NAALADL2: variants seen among roughly 807,000 people sequenced by gnomAD.
The protein encoded by NAALADL2 is N-acetylated alpha-linked acidic dipeptidase like 2.
NAALADL2 carries 76 observed loss-of-function variants against 87.2 expected under a neutral mutation model. The ratio of observed to expected loss-of-function variants is 0.87; its 90% CI spans 0.72 to 1.05. NAALADL2 has a LOEUF of 1.05. Among genes scored for constraint, NAALADL2 ranks in the 50% least tolerant of loss-of-function variants. NAALADL2 has a pLI of 0.00. For missense variants in NAALADL2, 1,089 were observed against 945.8 expected (o/e 1.15, Z -1.99); for synonymous variants, 354 against 331.0 (o/e 1.07, Z -0.75).
At chr3:175,744,744 T>C (rs1317955984) in intron 12 of NAALADL2, among the ~76,000 whole-genome samples, 1 of 152,194 alleles carries the variant, frequency 6.6e-6, no homozygotes, top group Admixed American at 6.5e-5. Context: ...GGCTAATGTG[T>C]GAATAATGGA....
chr3:175,627,433 CT>C, intron 11 of NAALADL2, 47 bp downstream of exon 11: 2 of 1,245,202 alleles, frequency 1.6e-6, no homozygotes, highest in Non-Finnish European at 1.1e-6. Context: ...ATTTGTTCTT[CT>C]TTATTGGTAG....
At chr3:174,980,956 T>C (rs1173909683) in intron 1 of NAALADL2, among the ~76,000 whole-genome samples, 1 of 152,162 alleles carries the variant, frequency 6.6e-6, no homozygotes, top group African/African-American at 2.4e-5. Flanking sequence ...TGAAAATATA[T>C]TCAAAACTGA....
chr3:175,193,219 T>TTG (rs1190570682), intron 2 of NAALADL2, among the ~76,000 whole-genome samples: 1 of 151,904 alleles, frequency 6.6e-6, no homozygotes, highest in African/African-American at 2.4e-5. Flanking sequence ...AGTTGTGTGT[T>TTG]TTTTTTTCAA....
intron 2 of NAALADL2, among the ~76,000 whole-genome samples, chr3:174,595,465 TAA>T (rs987713661): frequency 3.3e-5 from 5 of 152,206 alleles, no homozygotes; most frequent in Admixed American, 1.3e-4. Context: ...TTTGGCCAGA[TAA>T]GTTACACGGA....
chr3:174,952,001 T>C (rs1164073098), intron 1 of NAALADL2, among the ~76,000 whole-genome samples: 3 of 152,130 alleles, frequency 2.0e-5, no homozygotes, highest in Non-Finnish European at 4.4e-5. Flanking sequence ...TTTTCTCTTA[T>C]CTCTGTTGCC....
intron 2 of NAALADL2, among the ~76,000 whole-genome samples, chr3:174,662,493 AT>A (rs905382705): frequency 1.3e-5 from 2 of 151,024 alleles, no homozygotes; most frequent in Non-Finnish European, 2.9e-5. Flanking sequence ...AGCATCAACT[AT>A]TTTTTGTTTG....
intron 3 of NAALADL2, among the ~76,000 whole-genome samples, chr3:174,820,918 C>T (rs1478451441): frequency 6.6e-6 from 1 of 152,130 alleles, no homozygotes; most frequent in East Asian, 1.9e-4. Context: ...CAGAAAGCCT[C>T]GTTCACAGAA....
chr3:175,199,836 A>G (rs1483567344), intron 2 of NAALADL2, among the ~76,000 whole-genome samples: 1 of 9,944 alleles, frequency 1.0e-4, no homozygotes, highest in East Asian at 2.8e-3. Context: ...ATATATATAT[A>G]TATATATATA....
Position 175,532,109 on chromosome 3 carries a change from G to C in NAALADL2, c.1654-43932G>C, listed in dbSNP as rs528651249. 6.6e-5 allele frequency among the ~76,000 whole-genome samples: 10 copies of C among 152,240 alleles called. No homozygotes were observed. The South Asian group carries it at 1.7e-3, about 25-fold the overall frequency. On this transcript the variant is annotated intron_variant, in intron 9 of 13. Coordinates refer to ENST00000454872, the MANE Select transcript of NAALADL2 (RefSeq NM_207015.3). ...GTGTCTATGCCAATTATGCATTCTGGAACTGGGGAAATGACCACAGGACCC... is the reference window on the plus strand; with the variant it reads ...GTGTCTATGCCAATTATGCATTCTGCAACTGGGGAAATGACCACAGGACCC...
At position 174,617,093 on chromosome 3, in the gene NAALADL2, C is replaced by A. The variant is rs140913615; in HGVS notation, c.-115+66456C>A. Among the ~76,000 whole-genome samples, 379 of 151,822 alleles carry A rather than the reference C, an allele frequency of 2.5e-3. 2 individuals are homozygous for A. The highest frequency in any genetic ancestry group is 8.7e-3 in the African/African-American group (362 of 41,522). On this transcript the variant is annotated intron_variant, in intron 2 of 3. Coordinates refer to the NAALADL2 transcript ENST00000434257. ...TTAAATACCCTGCTGCGACACAGGA[C>A]TACAAAGATCAATGAAACATACCTA...
chr3:174,811,275 C>T (rs936405979), intron 3 of NAALADL2, among the ~76,000 whole-genome samples: 3 of 152,112 alleles, frequency 2.0e-5, no homozygotes, highest in Admixed American at 2.0e-4. Flanking sequence ...GTAGATCTAC[C>T]AACAGCTGGC....
chr3:175,640,334 A>C (rs1268291725), intron 11 of NAALADL2, among the ~76,000 whole-genome samples: 1 of 152,156 alleles, frequency 6.6e-6, no homozygotes, highest in Non-Finnish European at 1.5e-5. Context: ...ATTTATCAGC[A>C]ACCTTAATTG....
At chr3:174,883,979 A>G (rs1729747298) in intron 1 of NAALADL2, among the ~76,000 whole-genome samples, 1 of 152,138 alleles carries the variant, frequency 6.6e-6, no homozygotes, top group African/African-American at 2.4e-5. Context: ...AGTCTGGGCC[A>G]ATCACCCCAG....
chr3:175,302,695 A>G (rs1757229210), intron 4 of NAALADL2, among the ~76,000 whole-genome samples: 1 of 152,114 alleles, frequency 6.6e-6, no homozygotes, highest in South Asian at 2.1e-4. Context: ...ATAGTACAGT[A>G]TGTTAAAAAT....
intron 1 of NAALADL2, among the ~76,000 whole-genome samples, chr3:174,867,125 GATA>G (rs201302825): frequency 6.6e-6 from 1 of 150,946 alleles, no homozygotes; most frequent in Non-Finnish European, 1.5e-5. Flanking sequence ...AAATTGATTA[GATA>G]ATAAATAGTT....
chr3:174,838,021 G>GAAAAAA (rs77681462), intron 3 of NAALADL2, among the ~76,000 whole-genome samples: 3 of 71,942 alleles, frequency 4.2e-5, no homozygotes, highest in African/African-American at 9.6e-5. Context: ...AACCAAAAAA[G>GAAAAAA]AAAAAAAAAA....
At chr3:174,711,778 A>G (rs964336162) in intron 2 of NAALADL2, among the ~76,000 whole-genome samples, 1 of 152,142 alleles carries the variant, frequency 6.6e-6, no homozygotes, top group Non-Finnish European at 1.5e-5. Context: ...AGTGCAAGGA[A>G]CATTTCAAGA....
At chr3:175,607,913 G>GGGCACACACACGCA (rs1553931902) in intron 10 of NAALADL2, among the ~76,000 whole-genome samples, 6 of 149,094 alleles carry the variant, frequency 4.0e-5, no homozygotes, top group Non-Finnish European at 7.4e-5. Flanking sequence ...ACACACACAC[G>GGGCACACACACGCA]CACACACACG....
At chr3:174,972,520 T>C (rs1429980796) in intron 1 of NAALADL2, among the ~76,000 whole-genome samples, 3 of 152,174 alleles carry the variant, frequency 2.0e-5, no homozygotes, top group African/African-American at 4.8e-5. Flanking sequence ...TCTTTTATTA[T>C]AGAGACATTA....
Sources: allele counts gnomAD v4.1 joint callset (sites outside exome capture counted in the v4.1 genomes callset), GRCh38; gene constraint gnomAD v4.1.1; transcripts MANE v1.5; gene names NCBI Gene and HGNC (gene_info 2026-07-23, HGNC 2026-07-21).